Variants in LAMA5 observed in about 807,000 individuals in gnomAD.
The protein encoded by LAMA5 is laminin subunit alpha-5.
LAMA5 carries 260 observed loss-of-function variants against 433.4 expected under a neutral mutation model. The ratio of observed to expected loss-of-function variants is 0.60; its 90% CI spans 0.54 to 0.66. LAMA5 has a LOEUF of 0.66. Among genes scored for constraint, LAMA5 ranks in the 30% least tolerant of loss-of-function variants. The pLI is 0.00. For synonymous variants in LAMA5, 2,620 were observed against 2,226.6 expected (o/e 1.18, Z -4.97); for missense variants, 5,378 against 5,258.5 (o/e 1.02, Z -0.70).
chr20:62,357,943 G>A (rs998023012), intron 2 of LAMA5, among the ~76,000 whole-genome samples: 2 of 152,250 alleles, frequency 1.3e-5, no homozygotes, highest in Non-Finnish European at 1.5e-5. Context: ...ATGGTCAGCC[G>A]GGGACACAGG....
intron 57 of LAMA5, chr20:62,316,273 A>G (rs1367872173): frequency 4.6e-5 from 27 of 592,096 alleles, no homozygotes; most frequent in Non-Finnish European, 7.2e-5. Flanking sequence ...CTGCAGGCAT[A>G]GCTGTCCCCA....
At chr20:62,316,404 G>GT in intron 57 of LAMA5, 1 of 532,690 alleles carries the variant, frequency 1.9e-6, no homozygotes, top group Non-Finnish European at 3.3e-6. Context: ...CAGAGGCCAC[G>GT]TATCTCTTGC....
Position 62,367,301 on chromosome 20 carries a change from C to T in LAMA5, c.-56G>A. ...CCAGGGACAGCGCGCGCGGCGGGAGCCCGGCGGGTCTGAAGCCAGGCGGCC... is the reference window on the plus strand; with the variant it reads ...CCAGGGACAGCGCGCGCGGCGGGAGTCCGGCGGGTCTGAAGCCAGGCGGCC... On this transcript the variant is annotated 5_prime_UTR_variant, in exon 1 of 80. Transcript: ENST00000252999. 8.9e-7 allele frequency: 1 copy of T among 1,117,346 alleles called. No individual in the cohort carries two copies. Among genetic ancestry groups the T allele is most frequent in the East Asian group, 4.9e-5 (1 of 20,488 alleles). The allele number at this position is 1,117,346 out of a possible 1,614,324, so 69.2% of individuals were successfully genotyped here.
Position 62,320,769 on chromosome 20 carries a change from G to T in LAMA5, c.6618C>A (p.His2206Gln). 6.2e-7 allele frequency: 1 copy of T among 1,612,676 alleles called. No individual in the cohort carries two copies. The highest frequency in any genetic ancestry group is 8.5e-7 in the Non-Finnish European group (1 of 1,179,902). Residue 2206 changes from histidine (H) to glutamine (Q), a missense_variant, in exon 49 of 80, where the codon CAC (histidine) becomes CAA (glutamine). Transcript: ENST00000252999. ...NASSMAWARL[H>Q]RLNASIADLQ... ...GGTCAGCGATGGAGGCGTTCAGCCT[G>T]TGCAGACGGGCCCAGGCCATGGAGC...
intron 1 of LAMA5, among the ~76,000 whole-genome samples, chr20:62,363,344 A>G (rs973986719): frequency 2.6e-5 from 4 of 152,152 alleles, no homozygotes; most frequent in African/African-American, 9.7e-5. Context: ...GTCCCCATCC[A>G]AAGAGTGGGG....
At position 62,336,619 on chromosome 20, in the gene LAMA5, G is replaced by C. The variant is rs1981676067; in HGVS notation, c.2217+115C>G. ...CAGCCTAAGGAGCAGACAGGCCCTG[G>C]GGTTGCCATGGCAACTGAGCAGCAG... On this transcript the variant is annotated intron_variant, in intron 17 of 79. Coordinates refer to ENST00000252999, the MANE Select transcript of LAMA5 (RefSeq NM_005560.6). 6 of 1,307,308 alleles carry C rather than the reference G, an allele frequency of 4.6e-6. No individual in the cohort carries two copies. In the Admixed American group the frequency reaches 7.5e-5, roughly 16 times the overall value. 81.0% of individuals were successfully genotyped at this position (1,307,308 alleles called of 1,614,324 possible).
intron 45 of LAMA5, 92 bp from the exon 46 acceptor site, chr20:62,322,850 C>T: frequency 1.2e-6 from 1 of 813,362 alleles, no homozygotes; most frequent in Non-Finnish European, 1.8e-6. Context: ...TCACTGCCTC[C>T]TGCTGTGTCT....
At position 62,351,992 on chromosome 20, in the gene LAMA5, C is replaced by T. The variant is rs1412365633; in HGVS notation, c.775G>A (p.Val259Ile). The T allele has an allele frequency of 1.4e-5, 23 of 1,612,548 alleles. No homozygotes were observed. The highest frequency in any genetic ancestry group is 1.6e-5 in the Non-Finnish European group (19 of 1,179,930). The change falls in exon 5 of 80, where the codon GTC (valine) becomes ATC (isoleucine). Residue 259 changes from valine (V) to isoleucine (I), a missense_variant. Physicochemically the swap from Val to Ile is conservative, Grantham distance 29. Coordinates refer to ENST00000252999, the MANE Select transcript of LAMA5 (RefSeq NM_005560.6). ...LLREFTKATN[V>I]RLRFLRTNTL... ...TTGGTACGCAGGAAGCGCAGGCGGA[C>T]GTTGGTGGCCTTGGTGAACTCACGT...
intron 57 of LAMA5, 131 bp from the exon 58 acceptor site, chr20:62,316,189 C>T (rs1322609651): frequency 4.5e-6 from 3 of 667,272 alleles, no homozygotes; most frequent in Admixed American, 4.7e-5. Context: ...GACACTCAGA[C>T]ATGGAGTCCC....
Position 62,334,541 on chromosome 20 carries a change from G to C in LAMA5, c.2563C>G (p.Gln855Glu). The C allele has an allele frequency of 6.5e-7, 1 of 1,548,596 alleles. No individual in the cohort carries two copies. Among genetic ancestry groups the C allele is most frequent in the African/African-American group, 1.4e-5 (1 of 73,142 alleles). The change falls in exon 21 of 80, where the codon CAG becomes GAG. Residue 855 changes from glutamine (Q) to glutamate (E), a missense_variant. Physicochemically the swap from Gln to Glu is conservative, Grantham distance 29 (BLOSUM62 2). Coordinates refer to ENST00000252999, the MANE Select transcript of LAMA5 (RefSeq NM_005560.6). The stretch of plus-strand genomic sequence containing the variant: ...ACCCACTCGCTGCAGGTGGGGCCCT[G>C]GGTGTTGGGGCGGCACCGGCAGACG... ...TGVCRCRPNT[Q>E]GPTCSEPARD...
Position 62,309,824 on chromosome 20 carries a change from C to G in LAMA5, c.10840G>C (p.Gly3614Arg), listed in dbSNP as rs77106948. 3.9e-3 allele frequency: 6,337 copies of G among 1,611,434 alleles called. 180 individuals are homozygous for G. The East Asian group carries it at 0.064, about 16-fold the overall frequency. ...TCCACCTCCAGCCGGAGCACATTCCCGCTTTTCATCACTGGGAGAAAGGGG... is the reference window on the plus strand; with the variant it reads ...TCCACCTCCAGCCGGAGCACATTCCGGCTTTTCATCACTGGGAGAAAGGGG... Reference protein sequence around the residue: ...QWHRLAVMKSGNVLRLEVDAQ... With the variant: ...QWHRLAVMKSRNVLRLEVDAQ... Residue 3614 changes from glycine (G) to arginine (R), a missense_variant, in exon 79 of 80, where the codon GGG (glycine) becomes CGG (arginine). Coordinates refer to ENST00000252999, the MANE Select transcript of LAMA5 (RefSeq NM_005560.6).
rs1419755151 is a variant in LAMA5, at chr20:62,309,838, G to A, written c.10829-3C>T. 3 of 1,611,238 alleles carry A rather than the reference G, an allele frequency of 1.9e-6. No individual in the cohort carries two copies. Among genetic ancestry groups the A allele is most frequent in the Non-Finnish European group, 1.7e-6 (2 of 1,179,572 alleles). On this transcript the variant is annotated splice_region_variant and splice_polypyrimidine_tract_variant and intron_variant, in intron 78 of 79. Transcript: ENST00000252999. ...GAGCACATTCCCGCTTTTCATCACT[G>A]GGAGAAAGGGGGACTCCTGAGGCCA...
chr20:62,325,638 AG>A (rs1038990084), intron 40 of LAMA5, 92 bp from the exon 41 acceptor site: 4 of 797,634 alleles, frequency 5.0e-6, no homozygotes, highest in Non-Finnish European at 7.9e-6. Context: ...TAGGGGATGG[AG>A]GGGCACAAAG....
In LAMA5 at chr20:62,325,429, C is replaced by T; in HGVS notation, c.5416G>A (p.Val1806Ile). The change falls in exon 41 of 80, where the codon GTC becomes ATC. Residue 1806 changes from valine to isoleucine, a missense_variant. Transcript: ENST00000252999. The part of the protein sequence containing the change: ...RALFSQISSA[V>I]FLRRVALEVA... ...TCCAGTGCCACCCTGCGCAGGAAGA[C>T]AGCCGAGGAGATCTGTGAGAAGAGG... The T allele has an allele frequency of 6.2e-7, 1 of 1,612,496 alleles. No individual in the cohort carries two copies. The highest frequency in any genetic ancestry group is 8.5e-7 in the Non-Finnish European group (1 of 1,179,584).
intron 48 of LAMA5, 25 bp from the exon 49 acceptor site, chr20:62,320,915 T>A (rs1987634701): frequency 3.1e-6 from 5 of 1,594,976 alleles, no homozygotes; most frequent in Non-Finnish European, 4.3e-6. Flanking sequence ...GGGTCACAGG[T>A]CAGTGTCATT....
At chr20:62,350,172 C>G (rs985873517) in intron 6 of LAMA5, among the ~76,000 whole-genome samples, 3 of 151,898 alleles carry the variant, frequency 2.0e-5, no homozygotes, top group African/African-American at 4.8e-5. Flanking sequence ...AGGCAAGCCC[C>G]GGCTCCCGCG....
intron 2 of LAMA5, among the ~76,000 whole-genome samples, chr20:62,356,844 G>C (rs1214434160): frequency 6.6e-6 from 1 of 152,262 alleles, no homozygotes; most frequent in East Asian, 1.9e-4. Flanking sequence ...CCCTGGGAGG[G>C]AGGACGCCAG....
At position 62,309,735 on chromosome 20, in the gene LAMA5, C is replaced by G. The variant is rs1568885379; in HGVS notation, c.10929G>C (p.Leu3643=). 1 of 1,601,668 alleles carries G rather than the reference C, an allele frequency of 6.2e-7. No individual in the cohort carries two copies. Among genetic ancestry groups the G allele is most frequent in the Non-Finnish European group, 8.5e-7 (1 of 1,176,618 alleles). The change falls in exon 79 of 80, where the codon CTG becomes CTC. Residue 3643 remains leucine, a synonymous_variant. Coordinates refer to ENST00000252999, the MANE Select transcript of LAMA5 (RefSeq NM_005560.6). ...ACTCACCAGGCAGGCCCCCGAGGTA[C>G]AGAGGGGCTGGGGCACCAGCTGCAG... The part of the protein sequence containing the change: ...LAAAAGAPAP[L]YLGGLPEPMA...
At chr20:62,310,132 TG>T (rs1568886599) in intron 77 of LAMA5, 45 bp downstream of exon 77, 1 of 1,611,520 alleles carries the variant, frequency 6.2e-7, no homozygotes, top group South Asian at 1.1e-5. Flanking sequence ...GTCACCAGAA[TG>T]GGGAGGCAAA....
Sources: allele counts gnomAD v4.1 joint callset (sites outside exome capture counted in the v4.1 genomes callset), GRCh38; gene constraint gnomAD v4.1.1; transcripts MANE v1.5; gene names NCBI Gene and HGNC (gene_info 2026-07-23, HGNC 2026-07-21).